GAREM2: variants seen among roughly 807,000 people sequenced by gnomAD.
GAREM2 encodes the protein GRB2-associated and regulator of MAPK protein 2.
Under a neutral mutation model 55.6 loss-of-function variants are expected in GAREM2, and 30 were observed. That is an observed-to-expected ratio of 0.54 (90% confidence interval 0.40 to 0.73). The LOEUF is 0.73. Among genes scored for constraint, GAREM2 ranks in the 30% least tolerant of loss-of-function variants. The pLI is 0.00. For synonymous variants in GAREM2, 550 were observed against 569.1 expected (o/e 0.97, Z 0.48); for missense variants, 1,075 against 1,257.7 (o/e 0.85, Z 2.20).
In GAREM2 at chr2:26,185,035, C is replaced by T. The variant is rs995563901; in HGVS notation, c.1187C>T (p.Pro396Leu). ...CCCGGGCTCGCCCGCGCCCCCGGCCCGCTAGCGCCGGCTCCCGCCGGCGAG... is the reference window on the plus strand; with the variant it reads ...CCCGGGCTCGCCCGCGCCCCCGGCCTGCTAGCGCCGGCTCCCGCCGGCGAG... Reference protein sequence around the residue: ...RAPGLARAPGPLAPAPAGEGD... With the variant: ...RAPGLARAPGLLAPAPAGEGD... Residue 396 changes from proline to leucine, a missense_variant, in exon 4 of 6, where the codon CCG becomes CTG. By Grantham distance (98) the Pro-to-Leu change is moderately conservative (BLOSUM62 -3). Transcript: ENST00000401533. The T allele has an allele frequency of 6.0e-6, 7 of 1,173,756 alleles. No individual in the cohort carries two copies. In the African/African-American group the frequency reaches 8.1e-5, roughly 14 times the overall value. 72.7% of individuals were successfully genotyped at this position (1,173,756 alleles called of 1,614,324 possible).
chr2:26,182,336 G>T, intron 2 of GAREM2: 1 of 1,489,530 alleles, frequency 6.7e-7, no homozygotes, highest in Non-Finnish European at 9.0e-7. Context: ...CTCTGGGAGA[G>T]TAGGATTGGA....
chr2:26,203,946 G>T, the GAREM2 span: 1 of 1,021,848 alleles, frequency 9.8e-7, no homozygotes, highest in Non-Finnish European at 1.5e-6. Context: ...TCAGGAAAAA[G>T]GAATCCGTGA....
At position 26,187,575 on chromosome 2, in the gene GAREM2, C is replaced by A. The variant is rs556154747; in HGVS notation, c.1943C>A (p.Ser648Tyr). The A allele has an allele frequency of 2.8e-5, 44 of 1,547,150 alleles. No homozygotes were observed. In the Admixed American group the frequency reaches 3.6e-4, roughly 13 times the overall value. The change falls in exon 6 of 6, where the codon TCT becomes TAT. Residue 648 changes from serine (S) to tyrosine (Y), a missense_variant. Physicochemically the swap from Ser to Tyr is moderately radical, Grantham distance 144. Coordinates refer to ENST00000401533, the MANE Select transcript of GAREM2 (RefSeq NM_001168241.2). ...TCAGGCCCTTCAGCGGCCTTGTCTT[C>A]TGGGCCCAGAACCACCTCGGGTCCT... Reference protein sequence around the residue: ...YPSGPSAALSSGPRTTSGPVA... With the variant: ...YPSGPSAALSYGPRTTSGPVA...
rs1313443160 is a variant in GAREM2, at chr2:26,184,490, C to T, written c.642C>T (p.Pro214=). 2 of 1,535,120 alleles carry T rather than the reference C, an allele frequency of 1.3e-6. No homozygotes were observed. Among genetic ancestry groups the T allele is most frequent in the Non-Finnish European group, 1.8e-6 (2 of 1,140,354 alleles). ...CCAGGCCGGTCAAAGGCAAGATGCC[C>T]TGCCTCATCTGCATGAACCACCGCA... ...GGARPVKGKM[P]CLICMNHRTN... is the part of the protein sequence containing the mutation. Residue 214 remains proline, a synonymous_variant, in exon 4 of 6, where the codon CCC becomes CCT. Coordinates refer to ENST00000401533, the MANE Select transcript of GAREM2 (RefSeq NM_001168241.2).
chr2:26,186,473 C>T lies in GAREM2; in HGVS notation c.1598+115C>T, dbSNP rs769570232. 1.0e-4 allele frequency: 101 copies of T among 1,003,656 alleles called. No individual in the cohort carries two copies. The African/African-American group carries it at 1.3e-3, about 13-fold the overall frequency. 62.2% of individuals were successfully genotyped at this position (1,003,656 alleles called of 1,614,324 possible). On this transcript the variant is annotated intron_variant, in intron 5 of 5. Transcript: ENST00000401533. ...GAAGTCTTGAGGCCTGGGAGATTCC[C>T]GAGGGTGCAGCTCCCTGTGCAGTGG...
In GAREM2 at chr2:26,188,021, G is replaced by A. The variant is rs1298959267; in HGVS notation, c.2389G>A (p.Ala797Thr). ...DGATGFGVRD[A>T]SSWQPPADLS... is the part of the protein sequence containing the mutation. ...AGCCACAGGCTTTGGAGTCCGAGAT[G>A]CCTCCTCCTGGCAGCCCCCTGCTGA... is the stretch of plus-strand genomic sequence containing the variant. Residue 797 changes from alanine to threonine, a missense_variant, in exon 6 of 6, where the codon GCC (alanine) becomes ACC (threonine). Ala to Thr is a moderately conservative substitution (Grantham distance 58). Transcript: ENST00000401533. 1.3e-6 allele frequency: 2 copies of A among 1,492,412 alleles called. No homozygotes were observed. Among genetic ancestry groups the A allele is most frequent in the East Asian group, 5.1e-5 (2 of 39,580 alleles). The allele number at this position is 1,492,412 out of a possible 1,614,324, so 92.4% of individuals were successfully genotyped here.
Position 26,186,231 on chromosome 2 carries a change from C to A in GAREM2, c.1471C>A (p.Pro491Thr). ...CCTGCTCAATGCCCCTCCAGTGCCT[C>A]CCCGGGGTGGCAATGGCAGCGGCCG... The part of the protein sequence containing the change: ...CRLLNAPPVP[P>T]RGGNGSGRLS... The change falls in exon 5 of 6, where the codon CCC (proline) becomes ACC (threonine). Residue 491 changes from proline (P) to threonine (T), a missense_variant. This residue lies in a region of GAREM2 where 515 missense variants were observed against 501.5 expected (regional missense o/e 1.03). Transcript: ENST00000401533. 1 of 1,545,222 alleles carries A rather than the reference C, an allele frequency of 6.5e-7. No homozygotes were observed. The highest frequency in any genetic ancestry group is 8.7e-7 in the Non-Finnish European group (1 of 1,143,714).
At chr2:26,193,362 C>G (rs1669568473), downstream of GAREM2, among the ~76,000 whole-genome samples, 1 of 146,816 alleles carries the variant, frequency 6.8e-6, no homozygotes, top group African/African-American at 2.5e-5. Context: ...CTTCTGGGCT[C>G]AAGCGATCCT....
At chr2:26,185,395 G>A (rs1669217654) in intron 4 of GAREM2, 119 bp downstream of exon 4, 2 of 1,370,430 alleles carry the variant, frequency 1.5e-6, no homozygotes, top group African/African-American at 1.5e-5. Context: ...GGGTGGGGAA[G>A]GGGAGAAGGA....
At chr2:26,186,126 A>G in intron 4 of GAREM2, 63 bp from the exon 5 acceptor site, 1 of 1,410,834 alleles carries the variant, frequency 7.1e-7, no homozygotes, top group Non-Finnish European at 9.4e-7. Context: ...CTGCTTGGGA[A>G]GGGGAAGATA....
At chr2:26,182,541 A>G (rs1268285853) in intron 2 of GAREM2, 1 of 1,508,128 alleles carries the variant, frequency 6.6e-7, no homozygotes, top group Non-Finnish European at 9.0e-7. Flanking sequence ...GAGGACCCAG[A>G]GGCCCAGAGA....
At chr2:26,191,460 C>G (rs372669268), downstream of GAREM2, 4 of 1,614,080 alleles carry the variant, frequency 2.5e-6, no homozygotes, top group African/African-American at 4.0e-5. Flanking sequence ...AAGTGAGCTT[C>G]CTTCCCAACC....
At position 26,187,802 on chromosome 2, in the gene GAREM2, G is replaced by C; in HGVS notation, c.2170G>C (p.Ala724Pro). The part of the protein sequence containing the change: ...PELLRSQEPR[A>P]VGTPGPGPRL... ...GCTGCTGCGTTCTCAGGAGCCCAGAGCAGTGGGGACACCTGGGCCTGGACC... is the reference window on the plus strand; with the variant it reads ...GCTGCTGCGTTCTCAGGAGCCCAGACCAGTGGGGACACCTGGGCCTGGACC... The change falls in exon 6 of 6, where the codon GCA becomes CCA. Residue 724 changes from alanine (A) to proline (P), a missense_variant. Transcript: ENST00000401533. The C allele has an allele frequency of 6.9e-7, 1 of 1,444,514 alleles. No homozygotes were observed. Among genetic ancestry groups the C allele is most frequent in the Admixed American group, 2.9e-5 (1 of 34,416 alleles). 89.5% of individuals were successfully genotyped at this position (1,444,514 alleles called of 1,614,324 possible).
chr2:26,178,339 C>T (rs1448832110), intron 2 of GAREM2, among the ~76,000 whole-genome samples: 2 of 152,096 alleles, frequency 1.3e-5, no homozygotes, highest in East Asian at 1.9e-4. Flanking sequence ...AGACAGGAGG[C>T]TCCTTTGAGG....
At position 26,173,288 on chromosome 2, in the gene GAREM2, T is replaced by C; in HGVS notation, c.68T>C (p.Ile23Thr). The C allele has an allele frequency of 1.4e-6, 2 of 1,436,158 alleles. No individual in the cohort carries two copies. The highest frequency in any genetic ancestry group is 1.4e-5 in the South Asian group (1 of 73,998). 89.0% of individuals were successfully genotyped at this position (1,436,158 alleles called of 1,614,324 possible). ...ATGGGCGCCTTCCCGCTCGACCTCA[T>C]CGTCAGCCGCTGCCGCCTGCCCACG... ...WSMGAFPLDL[I>T]VSRCRLPTLA... The change falls in exon 1 of 6, where the codon ATC becomes ACC. Residue 23 changes from isoleucine (I) to threonine (T), a missense_variant. By Grantham distance (89) the Ile-to-Thr change is moderately conservative. Around this residue, in one of 6 missense-constraint regions of GAREM2, gnomAD observed 230 missense variants for 310.6 expected, o/e 0.74. Coordinates refer to ENST00000401533, the MANE Select transcript of GAREM2 (RefSeq NM_001168241.2).
chr2:26,193,461 G>A (rs1669571207), downstream of GAREM2: 2 of 888,962 alleles, frequency 2.2e-6, no homozygotes, highest in South Asian at 2.6e-5. Flanking sequence ...CCAGTGATAA[G>A]GGCTCTGTGT....
At chr2:26,191,261 A>G (rs1352427438), downstream of GAREM2, 1 of 1,612,374 alleles carries the variant, frequency 6.2e-7, no homozygotes, top group Non-Finnish European at 8.5e-7. Flanking sequence ...CACTGGTAGA[A>G]CTTCTTGTTA....
chr2:26,190,786 A>G (rs1669470242), downstream of GAREM2: 1 of 252,200 alleles, frequency 4.0e-6, no homozygotes, highest in Non-Finnish European at 7.7e-6. Context: ...AGAATTCTGC[A>G]CACACATTCT....
chr2:26,178,019 T>C (rs926666620), intron 2 of GAREM2, among the ~76,000 whole-genome samples: 5 of 152,216 alleles, frequency 3.3e-5, no homozygotes, highest in African/African-American at 1.2e-4. Context: ...CAGGTACCCC[T>C]GCCTCCTCTG....
Sources: allele counts gnomAD v4.1 joint callset (sites outside exome capture counted in the v4.1 genomes callset), GRCh38; gene constraint gnomAD v4.1.1; regional missense constraint gnomAD v4.1.1; transcripts MANE v1.5; gene names NCBI Gene and HGNC (gene_info 2026-07-23, HGNC 2026-07-21).